PCDH11Y: variants seen among roughly 807,000 people sequenced by gnomAD.
PCDH11Y encodes protocadherin 11 Y-linked.
For synonymous variants in PCDH11Y, 9 were observed against 83.6 expected (o/e 0.11, Z 4.87); for missense variants, 12 against 224.8 (o/e 0.05, Z 6.05).
At chrY:5,588,603 A>T in intron 4 of PCDH11Y, among the ~76,000 whole-genome samples, 1 of 33,064 alleles carries the variant, frequency 3.0e-5, no homozygotes, top group Non-Finnish European at 7.5e-5. Context: ...CACCAGATAT[A>T]CTATTATAGA....
At chrY:5,504,929 G>A in intron 3 of PCDH11Y, among the ~76,000 whole-genome samples, 1 of 33,030 alleles carries the variant, frequency 3.0e-5, no homozygotes, top group Admixed American at 2.8e-4. Context: ...TTCAGACTGA[G>A]TGCTGAGACA....
downstream of PCDH11Y, chrY:5,101,503 G>A (rs2052779448): frequency 4.9e-5 from 2 of 41,096 alleles, no homozygotes; most frequent in South Asian, 5.9e-4. Flanking sequence ...GAAAACTGTG[G>A]GCATATTAAG....
chrY:5,112,288 T>C, intron 2 of PCDH11Y, among the ~76,000 whole-genome samples: 1 of 32,513 alleles, frequency 3.1e-5, no homozygotes, highest in East Asian at 7.9e-4. Flanking sequence ...AAAGTACATA[T>C]AAAAAATTAA....
chrY:5,576,096 G>A, intron 3 of PCDH11Y, among the ~76,000 whole-genome samples: 1 of 32,501 alleles, frequency 3.1e-5, no homozygotes, highest in Admixed American at 2.8e-4. Flanking sequence ...TTTTGCTTTG[G>A]GAATTTCTCA....
At chrY:5,503,161 A>T in intron 3 of PCDH11Y, among the ~76,000 whole-genome samples, 2 of 32,436 alleles carry the variant, frequency 6.2e-5, no homozygotes, top group Non-Finnish European at 1.5e-4. Context: ...GGCTTTTTTT[A>T]AAAAAGGGTG....
intron 4 of PCDH11Y, among the ~76,000 whole-genome samples, chrY:5,684,403 G>T: frequency 3.1e-5 from 1 of 32,028 alleles, no homozygotes; most frequent in African/African-American, 1.2e-4. Flanking sequence ...GAGTGCTTTG[G>T]AGGTTCCTCA....
rs2124634113 is a variant in PCDH11Y at position 5,092,874 on chromosome Y, C to G, written c.637-5341C>G. On this transcript the variant is annotated intron_variant, in intron 1 of 1. Transcript: ENST00000215473. ...CTTTTAATCAGTTTTAGAACTAGAT[C>G]TCTTTGGAACTATTTTTAGTACTTA... 1.5e-4 allele frequency among the ~76,000 whole-genome samples: 4 copies of G among 27,437 alleles called. No individual in the cohort carries two copies. The South Asian group carries it at 3.6e-3, about 24-fold the overall frequency. The allele number at this position is 27,437 out of a possible 37,273, so 73.6% of individuals were successfully genotyped here.
At chrY:5,029,340 A>G in intron 1 of PCDH11Y, among the ~76,000 whole-genome samples, 1 of 28,491 alleles carries the variant, frequency 3.5e-5, no homozygotes, top group Non-Finnish European at 8.2e-5. Context: ...TCAGCTAGAA[A>G]AATAACTTTA....
intron 2 of PCDH11Y, among the ~76,000 whole-genome samples, chrY:5,386,385 T>C (rs2053215627): frequency 3.1e-5 from 1 of 32,653 alleles, no homozygotes; most frequent in African/African-American, 1.2e-4. Context: ...GCTTTTTGTA[T>C]TTGAATGTCT....
At chrY:5,700,015 C>T in intron 4 of PCDH11Y, among the ~76,000 whole-genome samples, 1 of 32,317 alleles carries the variant, frequency 3.1e-5, no homozygotes, top group Non-Finnish European at 7.6e-5. Context: ...GTCATGCCAA[C>T]AACCTAGTCA....
At chrY:5,720,259 C>T in intron 4 of PCDH11Y, among the ~76,000 whole-genome samples, 1 of 30,485 alleles carries the variant, frequency 3.3e-5, no homozygotes. Flanking sequence ...AATGTGAGGA[C>T]ATGAGATTTG....
chrY:5,303,667 G>A (rs2053086184), intron 2 of PCDH11Y, among the ~76,000 whole-genome samples: 1 of 32,267 alleles, frequency 3.1e-5, no homozygotes, highest in South Asian at 7.2e-4. Context: ...AAACTTAGTG[G>A]TTTAAAACAA....
intron 2 of PCDH11Y, among the ~76,000 whole-genome samples, chrY:5,388,299 G>A: frequency 3.1e-5 from 1 of 31,986 alleles, no homozygotes; most frequent in Non-Finnish European, 7.6e-5. Flanking sequence ...TGTGAGACAA[G>A]TCAGAAATAG....
At chrY:5,280,137 TA>T (rs2053051802) in intron 2 of PCDH11Y, among the ~76,000 whole-genome samples, 3 of 31,331 alleles carry the variant, frequency 9.6e-5, no homozygotes, top group Non-Finnish European at 2.3e-4. Context: ...TTTATTTACT[TA>T]TTTTTTTTAA....
intron 3 of PCDH11Y, among the ~76,000 whole-genome samples, chrY:5,050,598 T>C (rs2052650086): frequency 3.0e-5 from 1 of 32,808 alleles, no homozygotes; most frequent in Non-Finnish European, 7.5e-5. Flanking sequence ...TTGGTCTTTG[T>C]ACATAGATAA....
At chrY:5,733,289 T>C (rs2053606988) in intron 4 of PCDH11Y, among the ~76,000 whole-genome samples, 2 of 33,745 alleles carry the variant, frequency 5.9e-5, no homozygotes, top group African/African-American at 2.3e-4. Context: ...ATTTTTGTAA[T>C]TTTGTGTTAG....
chrY:5,499,178 C>T, intron 2 of PCDH11Y, among the ~76,000 whole-genome samples: 1 of 32,493 alleles, frequency 3.1e-5, no homozygotes, highest in Non-Finnish European at 7.5e-5. Flanking sequence ...ACAACAAAAA[C>T]CCCTGCCTTC....
chrY:5,658,827 A>T (rs2053538871), intron 4 of PCDH11Y, among the ~76,000 whole-genome samples: 1 of 33,134 alleles, frequency 3.0e-5, no homozygotes, highest in East Asian at 8.0e-4. Context: ...TGACTTATTT[A>T]GTTCATTTGG....
intron 2 of PCDH11Y, among the ~76,000 whole-genome samples, chrY:5,448,794 T>C: frequency 3.0e-5 from 1 of 33,147 alleles, no homozygotes; most frequent in Admixed American, 2.8e-4. Flanking sequence ...CTTGAATTGC[T>C]TGCCATGTGC....
Sources: gnomAD v4.1 joint callset for allele counts (sites outside exome capture counted in the v4.1 genomes callset) on GRCh38, gnomAD v4.1.1 for gene constraint, MANE v1.5 for transcripts, NCBI Gene and HGNC (gene_info 2026-07-23, HGNC 2026-07-21) for gene names.